TAF1B: variants seen among roughly 807,000 people sequenced by gnomAD.
TAF1B encodes TATA box-binding protein-associated factor RNA polymerase I subunit B.
In TAF1B, 61 loss-of-function variants were observed where a neutral mutation model predicts 83.9. The observed-to-expected ratio is 0.73, with a 90% CI of 0.59 to 0.90. The LOEUF (loss-of-function observed/expected upper bound fraction) is 0.90. Among genes scored for constraint, TAF1B ranks in the 40% least tolerant of loss-of-function variants. The pLI, the probability that TAF1B is intolerant of heterozygous loss-of-function variation, is 0.00. For missense variants in TAF1B, 625 were observed against 677.0 expected, an observed-to-expected ratio of 0.92 and a Z score of 0.85; for synonymous variants, 221 against 224.6, an observed-to-expected ratio of 0.98 and a Z score of 0.14.
In TAF1B at chr2:9,847,692, T is replaced by C. The variant is rs184278832; in HGVS notation, c.118-1681T>C. ...AAATCTGTTCAATTTAGACAATAGA[T>C]ATTTTTGCAAGAGTTTCACGGATAT... On this transcript the variant is annotated intron_variant, in intron 2 of 14. Coordinates refer to ENST00000263663, the MANE Select transcript of TAF1B (RefSeq NM_005680.3). Among the ~76,000 whole-genome samples the C allele has an allele frequency of 2.1e-3, 316 of 152,332 alleles. 12 individuals carry two copies. The South Asian group carries it at 0.054, about 26-fold the overall frequency.
chr2:9,922,366 G>A (rs1464866231), intron 14 of TAF1B, among the ~76,000 whole-genome samples: 1 of 152,060 alleles, frequency 6.6e-6, no homozygotes, highest in Non-Finnish European at 1.5e-5. Context: ...TGTTCAGAGT[G>A]ACCTCCCAGC....
intron 7 of TAF1B, among the ~76,000 whole-genome samples, chr2:9,879,700 G>T (rs978457427): frequency 6.6e-6 from 1 of 152,168 alleles, no homozygotes; most frequent in African/African-American, 2.4e-5. Context: ...GTAGGAGGAT[G>T]AGAGTGAACA....
chr2:9,896,072 CATGTT>C (rs1254264460), intron 8 of TAF1B, among the ~76,000 whole-genome samples: 1 of 152,118 alleles, frequency 6.6e-6, no homozygotes, highest in Non-Finnish European at 1.5e-5. Flanking sequence ...TTTTAAAAAA[CATGTT>C]AAACTTGTGA....
chr2:9,924,219 G>T (rs1222648267), intron 14 of TAF1B, among the ~76,000 whole-genome samples: 2 of 152,144 alleles, frequency 1.3e-5, no homozygotes, highest in Non-Finnish European at 2.9e-5. Flanking sequence ...AAAGGCTTCA[G>T]CTGGGCAGTA....
chr2:9,913,099 A>G, intron 11 of TAF1B, 60 bp from the exon 12 acceptor site: 1 of 1,370,966 alleles, frequency 7.3e-7, no homozygotes, highest in Non-Finnish European at 1.0e-6. Flanking sequence ...TCAGATGAAC[A>G]ATGTATATTA....
intron 8 of TAF1B, among the ~76,000 whole-genome samples, chr2:9,886,668 A>T (rs1315284364): frequency 2.1e-5 from 3 of 139,858 alleles, no homozygotes; most frequent in Non-Finnish European, 3.3e-5. Flanking sequence ...TGTTTAGGGG[A>T]CTGCAAGAGA....
Position 9,885,752 on chromosome 2 carries a change from C to CCA in TAF1B, c.807+2947_807+2948insCA, listed in dbSNP as rs1553287573. On this transcript the variant is annotated intron_variant, in intron 8 of 14. Transcript: ENST00000263663. ...CCTTCTTTCTCCCCACGCCCCCCCC[C>CCA]ACTTTGTCCTTCTCTCCCTTAATCT... is the stretch of plus-strand genomic sequence containing the variant. Among the ~76,000 whole-genome samples the CCA allele has an allele frequency of 3.6e-3, 497 of 139,062 alleles. 6 individuals carry two copies. Among genetic ancestry groups the CCA allele is most frequent in the African/African-American group, 0.012 (477 of 40,420 alleles). The allele number at this position is 139,062 out of a possible 152,430, so 91.2% of individuals were successfully genotyped here.
Position 9,882,799 on chromosome 2 carries a change from T to G in TAF1B, c.801T>G (p.Gly267=). ...KLYGRDRGIF[G]IESWPDYEDI... is the part of the protein sequence containing the mutation. ...ATGGACGTGACAGAGGAATCTTTGG[T>G]ATAGAGGTAAGTTATTTTCTTTTTT... The change falls in exon 8 of 15, where the codon GGT becomes GGG. Residue 267 remains glycine (G), a synonymous_variant. Transcript: ENST00000263663. The G allele has an allele frequency of 6.2e-7, 1 of 1,602,956 alleles. No homozygotes were observed.
intron 14 of TAF1B, among the ~76,000 whole-genome samples, chr2:9,928,479 TC>T (rs1180920407): frequency 2.0e-5 from 3 of 152,234 alleles, no homozygotes; most frequent in Admixed American, 6.5e-5. Context: ...TATTGATTGT[TC>T]CTATCCATGA....
intron 5 of TAF1B, among the ~76,000 whole-genome samples, chr2:9,867,421 T>C (rs1224149502): frequency 6.6e-6 from 1 of 152,240 alleles, no homozygotes; most frequent in African/African-American, 2.4e-5. Flanking sequence ...GGCTTCCCTA[T>C]AGGGAGGGGA....
chr2:9,848,700 C>G (rs138163071), intron 2 of TAF1B, among the ~76,000 whole-genome samples: 1 of 151,444 alleles, frequency 6.6e-6, no homozygotes, highest in African/African-American at 2.4e-5. Context: ...ATAATGGGAA[C>G]ATTTATTCTA....
rs193218959 is a variant in TAF1B at position 9,914,152 on chromosome 2, T to C, written c.1271+903T>C. Among the ~76,000 whole-genome samples, 10 of 152,254 alleles carry C rather than the reference T, an allele frequency of 6.6e-5. No individual in the cohort carries two copies. The highest frequency in any genetic ancestry group is 5.9e-4 in the Admixed American group (9 of 15,294). On this transcript the variant is annotated intron_variant, in intron 12 of 14. Transcript: ENST00000263663. This position sits in a 1 kb window ranked among gnomAD's most constrained non-coding sequence, Gnocchi z 4.3. ...TTTTTCCTCTAAATTTCAGAGGGCT[T>C]TTAAATAGAAAAACAGACTCTTGGG...
chr2:9,906,623 T>C (rs1665351128), intron 9 of TAF1B, among the ~76,000 whole-genome samples: 1 of 152,160 alleles, frequency 6.6e-6, no homozygotes. Context: ...GAAGAGTTCA[T>C]AAAAGCATGG....
At chr2:9,861,012 C>A (rs1376969088) in intron 5 of TAF1B, among the ~76,000 whole-genome samples, 1 of 152,210 alleles carries the variant, frequency 6.6e-6, no homozygotes, top group African/African-American at 2.4e-5. Flanking sequence ...CTACAGCTCC[C>A]AGCATGAGCA....
chr2:9,910,814 T>C lies in TAF1B; in HGVS notation c.1034T>C (p.Ile345Thr). Reference sequence around the variant, plus strand: ...GTGGATTTTCTGACATTTGATCCTATAGCTAAAATGGCAAAAACTGTTAAG... The same window carrying C: ...GTGGATTTTCTGACATTTGATCCTACAGCTAAAATGGCAAAAACTGTTAAG... ...GEVDFLTFDP[I>T]AKMAKTVKYD... is the part of the protein sequence containing the mutation. The change falls in exon 10 of 15, where the codon ATA becomes ACA. Residue 345 changes from isoleucine to threonine, a missense_variant. Physicochemically the swap from Ile to Thr is moderately conservative, Grantham distance 89. Coordinates refer to ENST00000263663, the MANE Select transcript of TAF1B (RefSeq NM_005680.3). The C allele has an allele frequency of 1.2e-6, 2 of 1,613,874 alleles. No individual in the cohort carries two copies. Among genetic ancestry groups the C allele is most frequent in the Non-Finnish European group, 8.5e-7 (1 of 1,179,818 alleles).
intron 1 of TAF1B, among the ~76,000 whole-genome samples, chr2:9,844,688 C>T (rs1188961585): frequency 1.3e-5 from 2 of 152,050 alleles, no homozygotes; most frequent in Non-Finnish European, 1.5e-5. Flanking sequence ...TAGCGTATAC[C>T]CAGACTAGGG....
intron 4 of TAF1B, among the ~76,000 whole-genome samples, chr2:9,853,163 A>G (rs1269641901): frequency 1.3e-5 from 2 of 152,236 alleles, no homozygotes; most frequent in East Asian, 3.8e-4. Context: ...GTTCCTATGT[A>G]GCTTTATGCT....
At position 9,843,566 on chromosome 2, in the gene TAF1B, A is replaced by G. The variant is rs1338957716; in HGVS notation, c.18+7A>G. On this transcript the variant is annotated splice_region_variant and intron_variant, in intron 1 of 14. Transcript: ENST00000263663. ...GATGGACCTCGAGGAGGCGGTAAGG[A>G]GGCGGTGCACCTGGCGGGCCACGAT... 1 of 1,522,552 alleles carries G rather than the reference A, an allele frequency of 6.6e-7. No homozygotes were observed. The highest frequency in any genetic ancestry group is 8.8e-7 in the Non-Finnish European group (1 of 1,132,096). The allele number at this position is 1,522,552 out of a possible 1,614,324, so 94.3% of individuals were successfully genotyped here.
At chr2:9,852,077 T>C in intron 4 of TAF1B, 2 of 468,786 alleles carry the variant, frequency 4.3e-6, no homozygotes, top group Non-Finnish European at 8.9e-6. Flanking sequence ...AGCGATATGC[T>C]AAACCAGTCG....
Sources: gnomAD v4.1 joint callset for allele counts (sites outside exome capture counted in the v4.1 genomes callset) on GRCh38, gnomAD v4.1.1 for gene constraint, Gnocchi (gnomAD v3.1) non-coding constraint, MANE v1.5 for transcripts, NCBI Gene and HGNC (gene_info 2026-07-23, HGNC 2026-07-21) for gene names.